The following XCR1 variants were observed in gnomAD, a reference collection of about 807,000 sequenced individuals.
XCR1 encodes X-C motif chemokine receptor 1, also known as chemokine XC receptor 1.
For synonymous variants in XCR1, 187 were observed against 188.5 expected (o/e 0.99, Z 0.06); for missense variants, 356 against 424.2 (o/e 0.84, Z 1.41).
intron 3 of XCR1, among the ~76,000 whole-genome samples, chr3:46,068,025 G>T (rs1406190837): frequency 2.0e-5 from 3 of 152,220 alleles, no homozygotes; most frequent in African/African-American, 7.2e-5. Flanking sequence ...AGGGGAATAA[G>T]GTCATTGGTG....
intron 4 of XCR1, among the ~76,000 whole-genome samples, chr3:46,056,483 A>AT (rs1031033685): frequency 7.9e-5 from 12 of 151,396 alleles, no homozygotes; most frequent in Non-Finnish European, 1.2e-4. Flanking sequence ...TCTTTCTTTT[A>AT]TTTTTTTTGA....
chr3:46,035,754 A>G (rs1461960254), intron 5 of XCR1, among the ~76,000 whole-genome samples: 1 of 152,128 alleles, frequency 6.6e-6, no homozygotes, highest in Non-Finnish European at 1.5e-5. Context: ...TTTTGAAAGA[A>G]TTTCCATTTG....
upstream of XCR1, among the ~76,000 whole-genome samples, chr3:46,029,343 A>G (rs972119232): frequency 6.6e-6 from 1 of 152,144 alleles, no homozygotes; most frequent in African/African-American, 2.4e-5. Context: ...AGCTGGGACT[A>G]CAGGTGCACA....
At chr3:46,062,602 G>A (rs9311385) in intron 4 of XCR1, among the ~76,000 whole-genome samples, 112,381 of 152,208 alleles carry the variant, frequency 0.74, 41,879 homozygotes, top group East Asian at 0.99. Flanking sequence ...TCCTTCTCCC[G>A]TTACTCTTTT....
At chr3:46,050,146 AG>A (rs1300781833) in intron 5 of XCR1, among the ~76,000 whole-genome samples, 1 of 152,086 alleles carries the variant, frequency 6.6e-6, no homozygotes, top group African/African-American at 2.4e-5. Flanking sequence ...ACAAAAGCAA[AG>A]GTTTTTGCAG....
chr3:46,084,987 A>C (rs1698446975), intron 1 of XCR1, among the ~76,000 whole-genome samples: 1 of 152,150 alleles, frequency 6.6e-6, no homozygotes, highest in Non-Finnish European at 1.5e-5. Flanking sequence ...AATGCAACAA[A>C]AGCTGGATGG....
chr3:46,023,797 A>G, intron 1 of XCR1: 1 of 1,537,302 alleles, frequency 6.5e-7, no homozygotes. Flanking sequence ...TAAAACAATT[A>G]TAGAGGAATA....
At chr3:46,061,864 G>A (rs1366064509) in intron 4 of XCR1, among the ~76,000 whole-genome samples, 1 of 152,162 alleles carries the variant, frequency 6.6e-6, no homozygotes, top group Non-Finnish European at 1.5e-5. Context: ...GCATTGGAAT[G>A]GGGGCTTGAA....
At chr3:46,078,049 C>A (rs746291470) in intron 1 of XCR1, among the ~76,000 whole-genome samples, 6 of 152,116 alleles carry the variant, frequency 3.9e-5, no homozygotes, top group Admixed American at 2.6e-4. Context: ...AGCCATGTAA[C>A]AAACATGCAC....
At chr3:46,033,815 A>T (rs1272225304) in intron 5 of XCR1, among the ~76,000 whole-genome samples, 1 of 152,134 alleles carries the variant, frequency 6.6e-6, no homozygotes, top group Non-Finnish European at 1.5e-5. Context: ...TGCTCCATTC[A>T]TTTAGGTCTT....
At chr3:46,031,036 G>T (rs148489563), upstream of XCR1, among the ~76,000 whole-genome samples, 1 of 152,360 alleles carries the variant, frequency 6.6e-6, no homozygotes, top group African/African-American at 2.4e-5. Flanking sequence ...CGGAGAGGAG[G>T]TGTGGCTGGG....
chr3:46,084,934 T>G (rs2125905477), intron 1 of XCR1, among the ~76,000 whole-genome samples: 1 of 152,066 alleles, frequency 6.6e-6, no homozygotes, highest in Middle Eastern at 3.4e-3. Context: ...ATATGGTACC[T>G]CCCGAATCTA....
chr3:46,027,499 C>T (rs1044295765), upstream of XCR1: 45 of 152,346 alleles, frequency 3.0e-4, no homozygotes, highest in African/African-American at 1.1e-3. Flanking sequence ...AACTGAAACA[C>T]CTGTCCTGCC....
Position 46,059,719 on chromosome 3 carries a change from T to G in XCR1, c.-182-5649A>C, listed in dbSNP as rs543137923. On this transcript the variant is annotated intron_variant, in intron 4 of 5. Coordinates refer to the XCR1 transcript ENST00000683768. ...CTGAGGACTGAATACTCATGACCAATGTCCCTGACAAAGTTTTTGTGTTTG... is the reference window on the plus strand; with the variant it reads ...CTGAGGACTGAATACTCATGACCAAGGTCCCTGACAAAGTTTTTGTGTTTG... 5.9e-5 allele frequency among the ~76,000 whole-genome samples: 9 copies of G among 152,368 alleles called. No homozygotes were observed. In the South Asian group the frequency reaches 1.9e-3, roughly 32 times the overall value.
chr3:46,079,577 C>T (rs1056588062), intron 1 of XCR1, among the ~76,000 whole-genome samples: 4 of 152,134 alleles, frequency 2.6e-5, no homozygotes, highest in African/African-American at 4.8e-5. Flanking sequence ...TCCTGCCCTT[C>T]CTTCCCTCCC....
intron 1 of XCR1, 156 bp from the exon 2 acceptor site, chr3:46,022,134 CTACAAAAAATT>C: frequency 1.6e-6 from 1 of 626,356 alleles, no homozygotes. Context: ...ACCCCTGTCT[CTACAAAAAATT>C]TAAAAATTAC....
At chr3:46,084,754 G>A (rs1698440887) in intron 1 of XCR1, among the ~76,000 whole-genome samples, 1 of 152,192 alleles carries the variant, frequency 6.6e-6, no homozygotes, top group Admixed American at 6.5e-5. Context: ...GGCACACAAA[G>A]ACATAAAGAC....
At position 46,047,967 on chromosome 3, in the gene XCR1, G is replaced by A. The variant is rs1280494303; in HGVS notation, c.-32+5953C>T. On this transcript the variant is annotated intron_variant, in intron 5 of 5. Coordinates refer to the XCR1 transcript ENST00000683768. ...TCTGTATAGTCAGCACAATTAGGGC[G>A]ACTGGGCCGGGAATGGTTGATTAGC... 2.0e-5 allele frequency among the ~76,000 whole-genome samples: 3 copies of A among 152,206 alleles called. No individual in the cohort carries two copies. The East Asian group carries it at 5.8e-4, about 29-fold the overall frequency.
Position 46,020,480 on chromosome 3 carries a change from C to G in XCR1, c.*466G>C, listed in dbSNP as rs1407767852. On this transcript the variant is annotated 3_prime_UTR_variant, in exon 2 of 2. Coordinates refer to ENST00000309285, the MANE Select transcript of XCR1 (RefSeq NM_001024644.2). ...CTCATCCAGCAGTACCTGAGGAATA[C>G]GGAGCCAGGCGCCTCCAAAGTGAAT... The G allele has an allele frequency of 1.3e-5, 2 of 158,970 alleles. No homozygotes were observed. The highest frequency in any genetic ancestry group is 4.8e-5 in the African/African-American group (2 of 41,494). The allele number at this position is 158,970 out of a possible 1,614,324, so 9.8% of individuals were successfully genotyped here.
Sources: allele counts gnomAD v4.1 joint callset (sites outside exome capture counted in the v4.1 genomes callset), GRCh38; gene constraint gnomAD v4.1.1; transcripts MANE v1.5; gene names NCBI Gene and HGNC (gene_info 2026-07-23, HGNC 2026-07-21).